Variants in ULK4 observed in about 807,000 individuals in gnomAD.
ULK4 encodes unc-51 like kinase 4.
In ULK4, 133 loss-of-function variants were observed where a neutral mutation model predicts 160.6. The ratio of observed to expected loss-of-function variants is 0.83; its 90% CI spans 0.72 to 0.96. The LOEUF (loss-of-function observed/expected upper bound fraction) is 0.96. ULK4 is among the 40% of genes least tolerant of loss of function. ULK4 has a pLI of 0.00. For synonymous variants in ULK4, 534 were observed against 539.8 expected, an observed-to-expected ratio of 0.99 and a Z score of 0.15; for missense variants, 1,580 against 1,499.5, an observed-to-expected ratio of 1.05 and a Z score of -0.89.
intron 32 of ULK4, among the ~76,000 whole-genome samples, chr3:41,546,139 T>C (rs900404074): frequency 3.9e-5 from 6 of 152,168 alleles, no homozygotes; most frequent in Admixed American, 3.9e-4. Context: ...TCAAATTCTT[T>C]CTGTACCCCC....
At chr3:41,801,340 CAG>C (rs575771999) in intron 19 of ULK4, among the ~76,000 whole-genome samples, 91 of 151,922 alleles carry the variant, frequency 6.0e-4, no homozygotes, top group African/African-American at 2.2e-3. Flanking sequence ...AAAAAAGAAA[CAG>C]AGCATCAGTG....
intron 34 of ULK4, among the ~76,000 whole-genome samples, chr3:41,433,412 G>C (rs1172089115): frequency 6.6e-6 from 1 of 152,188 alleles, no homozygotes; most frequent in Non-Finnish European, 1.5e-5. Context: ...AGGGAGAGCA[G>C]TTTGGCAATC....
At chr3:41,799,728 TG>T (rs1222985730) in intron 20 of ULK4, among the ~76,000 whole-genome samples, 1 of 151,954 alleles carries the variant, frequency 6.6e-6, no homozygotes, top group Non-Finnish European at 1.5e-5. Context: ...CCAGGCCTGG[TG>T]GTGCATGCCT....
chr3:41,770,513 T>TTC (rs2039317571), intron 21 of ULK4, among the ~76,000 whole-genome samples: 1 of 150,026 alleles, frequency 6.7e-6, no homozygotes, highest in African/African-American at 2.4e-5. Context: ...AAAGATACTT[T>TTC]TTTTTTTTTT....
At chr3:41,643,650 G>T (rs2034341730) in intron 30 of ULK4, among the ~76,000 whole-genome samples, 1 of 152,068 alleles carries the variant, frequency 6.6e-6, no homozygotes. Context: ...TGTTCTTTTG[G>T]CTTAGGATTG....
At chr3:41,874,344 G>A (rs1697222363) in intron 17 of ULK4, among the ~76,000 whole-genome samples, 2 of 152,070 alleles carry the variant, frequency 1.3e-5, no homozygotes, top group South Asian at 4.1e-4. Context: ...ACAATTTTCA[G>A]GAAGAACTAA....
At chr3:41,704,986 G>T in intron 27 of ULK4, 71 bp downstream of exon 27, 1 of 1,229,664 alleles carries the variant, frequency 8.1e-7, no homozygotes, top group East Asian at 2.4e-5. Context: ...CACTGTAAAC[G>T]AGGCCTCTTT....
At chr3:41,866,205 A>G (rs1696867004) in intron 17 of ULK4, among the ~76,000 whole-genome samples, 1 of 152,216 alleles carries the variant, frequency 6.6e-6, no homozygotes, top group African/African-American at 2.4e-5. Context: ...CATGCAAGCT[A>G]TATGTACATC....
chr3:41,540,813 G>T (rs949641370), intron 32 of ULK4, among the ~76,000 whole-genome samples: 89 of 152,084 alleles, frequency 5.9e-4, no homozygotes, highest in African/African-American at 2.0e-3. Flanking sequence ...TCATATGTTT[G>T]TTGGCTGCAT....
chr3:41,425,049 T>G (rs752590796), intron 34 of ULK4, among the ~76,000 whole-genome samples: 5 of 151,944 alleles, frequency 3.3e-5, no homozygotes, highest in Admixed American at 6.6e-5. Context: ...AGAATCATGA[T>G]AAAACATTAC....
intron 7 of ULK4, among the ~76,000 whole-genome samples, chr3:41,918,110 T>C (rs1335211669): frequency 6.6e-6 from 1 of 152,176 alleles, no homozygotes; most frequent in Non-Finnish European, 1.5e-5. Flanking sequence ...CAACAGGAGA[T>C]AGAAATAACC....
At chr3:41,646,247 G>T (rs894911432) in intron 30 of ULK4, among the ~76,000 whole-genome samples, 1 of 152,100 alleles carries the variant, frequency 6.6e-6, no homozygotes, top group African/African-American at 2.4e-5. Context: ...GATGTTAGCT[G>T]GTTATTTTGC....
rs572519392 is a variant in ULK4 at position 41,852,781 on chromosome 3, C to T, written c.1657-16810G>A. On this transcript the variant is annotated intron_variant, in intron 17 of 36. Coordinates refer to ENST00000301831, the MANE Select transcript of ULK4 (RefSeq NM_017886.4). Reference sequence around the variant, plus strand: ...AAATGGAACAAGGGACAACCCTCAGCTCCTGCCCATAGTGTAGTATCAAAT... The same window carrying T: ...AAATGGAACAAGGGACAACCCTCAGTTCCTGCCCATAGTGTAGTATCAAAT... 5.3e-5 allele frequency among the ~76,000 whole-genome samples: 8 copies of T among 152,248 alleles called. No homozygotes were observed. The South Asian group carries it at 1.5e-3, about 28-fold the overall frequency.
intron 35 of ULK4, among the ~76,000 whole-genome samples, chr3:41,297,266 C>A (rs1553640210): frequency 1.3e-5 from 2 of 152,204 alleles, no homozygotes; most frequent in Non-Finnish European, 2.9e-5. Context: ...GAAACCCTAG[C>A]CCCTGCTTCT....
rs867170601 is a variant in ULK4 at position 41,695,682 on chromosome 3, G to A, written c.2781+9375C>T. ...AAAGATGGCCATGTCCTGTGTGGGC[G>A]GCAAGCCATCCAGGTGCCGAGGCAA... On this transcript the variant is annotated intron_variant, in intron 27 of 36. Coordinates refer to ENST00000301831, the MANE Select transcript of ULK4 (RefSeq NM_017886.4). Among the ~76,000 whole-genome samples the A allele has an allele frequency of 1.8e-4, 27 of 152,138 alleles. 1 individual carries two copies. In the Middle Eastern group the frequency reaches 0.02, roughly 115 times the overall value.
intron 29 of ULK4, among the ~76,000 whole-genome samples, chr3:41,680,721 C>G (rs2035896053): frequency 6.6e-6 from 1 of 152,154 alleles, no homozygotes; most frequent in Non-Finnish European, 1.5e-5. Flanking sequence ...CTCAGGCTGT[C>G]ATTCTTATAA....
At chr3:41,805,140 G>C (rs2040600906) in intron 19 of ULK4, among the ~76,000 whole-genome samples, 1 of 152,178 alleles carries the variant, frequency 6.6e-6, no homozygotes, top group Admixed American at 6.6e-5. Context: ...CCATTTGTTT[G>C]TATCCTCTTT....
chr3:41,641,736 G>A lies in ULK4; in HGVS notation c.3071+21871C>T, dbSNP rs544280506. Among the ~76,000 whole-genome samples, 13 of 151,938 alleles carry A rather than the reference G, an allele frequency of 8.6e-5. No individual in the cohort carries two copies. The South Asian group carries it at 2.3e-3, about 27-fold the overall frequency. On this transcript the variant is annotated intron_variant, in intron 30 of 36. Coordinates refer to ENST00000301831, the MANE Select transcript of ULK4 (RefSeq NM_017886.4). ...GAAAGAAGTAAATTTAGTAAATTCTGAACATGCTTAAACGATTTATGAGAG... is the reference window on the plus strand; with the variant it reads ...GAAAGAAGTAAATTTAGTAAATTCTAAACATGCTTAAACGATTTATGAGAG...
intron 35 of ULK4, among the ~76,000 whole-genome samples, chr3:41,288,552 G>A (rs2079504955): frequency 6.6e-6 from 1 of 152,128 alleles, no homozygotes; most frequent in African/African-American, 2.4e-5. Flanking sequence ...TAGCCCAAAA[G>A]AGCAGGACAC....
Sources: gnomAD v4.1 joint callset for allele counts (sites outside exome capture counted in the v4.1 genomes callset) on GRCh38, gnomAD v4.1.1 for gene constraint, MANE v1.5 for transcripts, NCBI Gene and HGNC (gene_info 2026-07-23, HGNC 2026-07-21) for gene names.